The following NOL4L variants were observed in gnomAD, a reference collection of about 807,000 sequenced individuals.
NOL4L encodes the protein nucleolar protein 4 like.
A neutral mutation model predicts 64.5 loss-of-function variants in NOL4L; 7 were observed. The observed-to-expected ratio is 0.11, with a 90% CI of 0.06 to 0.20. NOL4L has a LOEUF of 0.20. Among genes scored for constraint, NOL4L ranks in the 10% least tolerant of loss-of-function variants. The pLI is 1.00. For synonymous variants in NOL4L, 413 were observed against 401.0 expected (o/e 1.03, Z -0.36); for missense variants, 680 against 967.1 (o/e 0.70, Z 3.94).
At chr20:32,514,500 A>G (rs1367897596) in intron 3 of NOL4L, among the ~76,000 whole-genome samples, 1 of 152,020 alleles carries the variant, frequency 6.6e-6, no homozygotes, top group African/African-American at 2.4e-5. Flanking sequence ...CAAGGAAAAA[A>G]AAAAAGTAAA....
At position 32,528,032 on chromosome 20, in the gene NOL4L, G is replaced by T. The variant is rs188008584; in HGVS notation, c.322-119C>A. ...TGCCTCCGACAGTGGGTCTTGGGGT[G>T]GGGAGGGGAGGGAGCCTACCGAGGG... On this transcript the variant is annotated intron_variant, in intron 1 of 10. Coordinates refer to ENST00000621426, the MANE Select transcript of NOL4L (RefSeq NM_001256798.2). 32 of 705,418 alleles carry T rather than the reference G, an allele frequency of 4.5e-5. No individual in the cohort carries two copies. The African/African-American group carries it at 5.0e-4, about 11-fold the overall frequency. The allele number at this position is 705,418 out of a possible 1,614,324, so 43.7% of individuals were successfully genotyped here.
At chr20:32,507,037 A>T (rs1755537918) in intron 4 of NOL4L, among the ~76,000 whole-genome samples, 1 of 152,094 alleles carries the variant, frequency 6.6e-6, no homozygotes, top group Non-Finnish European at 1.5e-5. Context: ...AGTCCTCCAG[A>T]GGTGAGCCCT....
At chr20:32,511,506 G>GAC in intron 3 of NOL4L, 50 bp from the exon 4 acceptor site, 2 of 1,343,264 alleles carry the variant, frequency 1.5e-6, no homozygotes, top group Non-Finnish European at 2.1e-6. Context: ...CTGCGGGCCT[G>GAC]TTGCCCACAT....
intron 2 of NOL4L, among the ~76,000 whole-genome samples, chr20:32,523,208 G>GT (rs1247263459): frequency 6.6e-6 from 1 of 152,220 alleles, no homozygotes; most frequent in Non-Finnish European, 1.5e-5. Context: ...CCATTGATGG[G>GT]TGGAAGGGGA....
chr20:32,576,569 C>T (rs1287590054), intron 1 of NOL4L, among the ~76,000 whole-genome samples: 1 of 152,156 alleles, frequency 6.6e-6, no homozygotes, highest in African/African-American at 2.4e-5. Context: ...TGAGTTCCCT[C>T]CACTCTGCCT....
At chr20:32,584,078 G>T (rs1568727134) in intron 1 of NOL4L, among the ~76,000 whole-genome samples, 1 of 139,822 alleles carries the variant, frequency 7.2e-6, no homozygotes, top group Non-Finnish European at 1.6e-5. Context: ...CCCGTCCCGC[G>T]GCTGCCCCTG....
chr20:32,479,536 C>T (rs990124335), intron 4 of NOL4L, among the ~76,000 whole-genome samples: 2 of 152,166 alleles, frequency 1.3e-5, no homozygotes, highest in Non-Finnish European at 2.9e-5. Context: ...GTTCAAGACC[C>T]ACCTGGGCAA....
chr20:32,556,554 A>C (rs2145608985), intron 1 of NOL4L, among the ~76,000 whole-genome samples: 1 of 152,292 alleles, frequency 6.6e-6, no homozygotes, highest in Middle Eastern at 3.4e-3. Flanking sequence ...CTAGAAGCGG[A>C]GGCTCAGAAA....
At chr20:32,580,449 C>T (rs1980396942) in intron 1 of NOL4L, among the ~76,000 whole-genome samples, 1 of 152,246 alleles carries the variant, frequency 6.6e-6, no homozygotes, top group African/African-American at 2.4e-5. Flanking sequence ...AAGGTTTACA[C>T]AAAAGCTCTG....
chr20:32,529,441 G>T (rs1336280332), intron 1 of NOL4L, among the ~76,000 whole-genome samples: 1 of 152,210 alleles, frequency 6.6e-6, no homozygotes, highest in Non-Finnish European at 1.5e-5. Flanking sequence ...CTGGTGGATG[G>T]CACAGATGGC....
chr20:32,583,315 C>T (rs1980614918), intron 1 of NOL4L, among the ~76,000 whole-genome samples: 1 of 150,202 alleles, frequency 6.7e-6, no homozygotes, highest in African/African-American at 2.4e-5. Flanking sequence ...GCGGGCCCGG[C>T]CCGGGCGGCC....
At chr20:32,482,774 C>T (rs1415140499) in intron 4 of NOL4L, among the ~76,000 whole-genome samples, 1 of 151,638 alleles carries the variant, frequency 6.6e-6, no homozygotes, top group Non-Finnish European at 1.5e-5. Flanking sequence ...CTCAACTCCC[C>T]GCGCCGCGCC....
At position 32,475,077 on chromosome 20, in the gene NOL4L, C is replaced by T. The variant is rs79769325; in HGVS notation, c.700-335G>A. 8.5e-3 allele frequency: 8,352 copies of T among 985,464 alleles called. 117 individuals carry two copies. Among genetic ancestry groups the T allele is most frequent in the African/African-American group, 0.056 (3,217 of 57,374 alleles). 61.0% of individuals were successfully genotyped at this position (985,464 alleles called of 1,614,324 possible). ...AACAAGCGCTGTAAACAAGGGCTGC[C>T]GCTCCCTGCTCTCAGCCCAGGGACC... On this transcript the variant is annotated intron_variant, in intron 4 of 10. Coordinates refer to ENST00000621426, the MANE Select transcript of NOL4L (RefSeq NM_001256798.2).
intron 1 of NOL4L, among the ~76,000 whole-genome samples, chr20:32,565,673 G>T (rs1156229699): frequency 6.6e-6 from 1 of 152,134 alleles, no homozygotes; most frequent in East Asian, 1.9e-4. Flanking sequence ...TCCTCATGGG[G>T]TTCTTAGAAG....
At chr20:32,526,783 C>T (rs1007282049) in intron 2 of NOL4L, among the ~76,000 whole-genome samples, 1 of 152,188 alleles carries the variant, frequency 6.6e-6, no homozygotes, top group Non-Finnish European at 1.5e-5. Flanking sequence ...GTCCTCAGTG[C>T]CTCGGTCACA....
intron 4 of NOL4L, among the ~76,000 whole-genome samples, chr20:32,488,546 T>G (rs1220965587): frequency 6.6e-6 from 1 of 152,242 alleles, no homozygotes; most frequent in Non-Finnish European, 1.5e-5. Context: ...ACCAGCAATA[T>G]CTAGCAGCAC....
chr20:32,447,779 G>C lies in NOL4L; in HGVS notation c.1860C>G (p.Thr620=). 1 of 1,581,226 alleles carries C rather than the reference G, an allele frequency of 6.3e-7. No individual in the cohort carries two copies. Among genetic ancestry groups the C allele is most frequent in the Non-Finnish European group, 8.6e-7 (1 of 1,160,200 alleles). ...TDLSMKGGAS[T]TSTTPTPTPS... ...GGGTGGGCGTGGGGGTGGTGGAGGT[G>C]GTAGAGGCCCCGCCTTTCATGCTGA... The change falls in exon 11 of 11, where the codon ACC becomes ACG. Residue 620 remains threonine (T), a synonymous_variant. Coordinates refer to ENST00000621426, the MANE Select transcript of NOL4L (RefSeq NM_001256798.2).
intron 1 of NOL4L, among the ~76,000 whole-genome samples, chr20:32,544,431 C>T (rs1181747577): frequency 6.6e-6 from 1 of 151,980 alleles, no homozygotes; most frequent in East Asian, 1.9e-4. Context: ...GAGGTGAGGG[C>T]CACCTCCCAC....
chr20:32,569,926 G>A (rs934670803), intron 1 of NOL4L, among the ~76,000 whole-genome samples: 9 of 152,194 alleles, frequency 5.9e-5, no homozygotes, highest in Non-Finnish European at 1.2e-4. Context: ...TGGATTGCCT[G>A]CAGCCCTGTA....
Sources: gnomAD v4.1 joint callset for allele counts (sites outside exome capture counted in the v4.1 genomes callset) on GRCh38, gnomAD v4.1.1 for gene constraint, MANE v1.5 for transcripts, NCBI Gene and HGNC (gene_info 2026-07-23, HGNC 2026-07-21) for gene names.